The following GRSF1 variants were observed in gnomAD, a reference collection of about 807,000 sequenced individuals.
The protein encoded by GRSF1 is G-rich sequence factor 1.
GRSF1 carries 50 observed loss-of-function variants against 51.1 expected under a neutral mutation model. That is an observed-to-expected ratio of 0.98 (90% CI 0.78 to 1.24). The LOEUF (loss-of-function observed/expected upper bound fraction) is 1.24, where lower values mean the gene tolerates loss of function less well. Among genes scored for constraint, GRSF1 ranks in the 50% most tolerant of loss-of-function variants. The pLI is 0.00. For synonymous variants in GRSF1, 293 were observed against 253.3 expected (o/e 1.16, Z -1.49); for missense variants, 700 against 639.7 (o/e 1.09, Z -1.02).
intron 8 of GRSF1, 82 bp downstream of exon 8, chr4:70,825,214 C>G: frequency 8.6e-7 from 1 of 1,159,062 alleles, no homozygotes; most frequent in Non-Finnish European, 1.2e-6. Flanking sequence ...AGGAAAAATT[C>G]TACAATCCCA....
intron 9 of GRSF1, among the ~76,000 whole-genome samples, chr4:70,823,890 A>G (rs1733622420): frequency 6.6e-6 from 1 of 151,570 alleles, no homozygotes; most frequent in African/African-American, 2.4e-5. Context: ...AAATAAAAAG[A>G]GAATGGTTTC....
chr4:70,825,596 T>C (rs961569221), intron 7 of GRSF1, 165 bp from the exon 8 acceptor site: 1 of 457,338 alleles, frequency 2.2e-6, no homozygotes, highest in Non-Finnish European at 3.7e-6. Context: ...TAGTATGTCT[T>C]CTGGCTTTTT....
At chr4:70,828,607 C>G (rs1303180673) in intron 5 of GRSF1, among the ~76,000 whole-genome samples, 1 of 152,030 alleles carries the variant, frequency 6.6e-6, no homozygotes, top group African/African-American at 2.4e-5. Flanking sequence ...TTCTTGCTGT[C>G]ACCCAAGATG....
Position 70,839,711 on chromosome 4 carries a change from G to C in GRSF1, c.117C>G (p.Ile39Met). 6.7e-7 allele frequency: 1 copy of C among 1,490,918 alleles called. No homozygotes were observed. The highest frequency in any genetic ancestry group is 2.2e-5 in the Admixed American group (1 of 45,120). The allele number at this position is 1,490,918 out of a possible 1,614,324, so 92.4% of individuals were successfully genotyped here. ...GGCGGCGGCCCGAGACGCCCGACGG[G>C]ATAGAGCCAGCGGCGGAGTAGAAGG... ...CLPFYSAAGSIPSGVSGRRRL... is the reference protein window; with the variant it reads ...CLPFYSAAGSMPSGVSGRRRL... The change falls in exon 1 of 10, where the codon ATC (isoleucine) becomes ATG (methionine). Residue 39 changes from isoleucine to methionine, a missense_variant. Ile to Met is a conservative substitution (Grantham distance 10, BLOSUM62 1). Coordinates refer to ENST00000254799, the MANE Select transcript of GRSF1 (RefSeq NM_002092.4).
intron 5 of GRSF1, among the ~76,000 whole-genome samples, chr4:70,830,647 T>C (rs896119059): frequency 2.0e-5 from 3 of 151,680 alleles, no homozygotes; most frequent in African/African-American, 7.3e-5. Flanking sequence ...GGTAAAACCT[T>C]GTCTCTACTA....
chr4:70,832,181 G>C (rs1177704423), intron 4 of GRSF1, 126 bp downstream of exon 4: 3 of 562,746 alleles, frequency 5.3e-6, no homozygotes, highest in Non-Finnish European at 8.7e-6. Context: ...TAAGTGAAGA[G>C]CTCTCCCCTA....
chr4:70,839,024 G>A (rs1734343464), intron 1 of GRSF1: 3 of 736,220 alleles, frequency 4.1e-6, no homozygotes, highest in Non-Finnish European at 5.8e-6. Context: ...AGCAGCGGCC[G>A]ACCGAGAGGC....
At position 70,825,287 on chromosome 4, in the gene GRSF1, A is replaced by T; in HGVS notation, c.1393+9T>A. 1 of 1,595,240 alleles carries T rather than the reference A, an allele frequency of 6.3e-7. No homozygotes were observed. Among genetic ancestry groups the T allele is most frequent in the South Asian group, 1.1e-5 (1 of 89,676 alleles). The stretch of plus-strand genomic sequence containing the variant: ...AAAAATGACAACAAAAGCCAAAGGC[A>T]GGACTTACGAACGTGGGACCGATCC... On this transcript the variant is annotated intron_variant, in intron 8 of 9. Coordinates refer to ENST00000254799, the MANE Select transcript of GRSF1 (RefSeq NM_002092.4).
chr4:70,821,719 G>T (rs1329112702), intron 9 of GRSF1, among the ~76,000 whole-genome samples: 26 of 142,264 alleles, frequency 1.8e-4, no homozygotes, highest in African/African-American at 6.5e-4. Context: ...TGTCATCCAG[G>T]CTGGTGGAGT....
chr4:70,823,307 G>T (rs1490958140), intron 9 of GRSF1, among the ~76,000 whole-genome samples: 2 of 152,078 alleles, frequency 1.3e-5, no homozygotes, highest in Non-Finnish European at 2.9e-5. Flanking sequence ...TGAGGCAGGA[G>T]AATCTCTTGA....
At chr4:70,839,296 T>C in intron 1 of GRSF1, 175 bp downstream of exon 1, 2 of 1,499,144 alleles carry the variant, frequency 1.3e-6, no homozygotes, top group Non-Finnish European at 1.8e-6. Flanking sequence ...TGGGAGAGCT[T>C]CCCTTGTTCC....
In GRSF1 at chr4:70,827,731, A is replaced by G. The variant is rs1578298479; in HGVS notation, c.1135+121T>C. The stretch of plus-strand genomic sequence containing the variant: ...GAGGTAGAGGCTGCAGTCAGCCGAG[A>G]TCGCACCACTGCACTCCAGCCTGGC... On this transcript the variant is annotated intron_variant, in intron 6 of 9. Coordinates refer to ENST00000254799, the MANE Select transcript of GRSF1 (RefSeq NM_002092.4). 5.8e-6 allele frequency: 4 copies of G among 691,524 alleles called. No homozygotes were observed. In the East Asian group the frequency reaches 1.0e-4, roughly 18 times the overall value. The allele number at this position is 691,524 out of a possible 1,614,324, so 42.8% of individuals were successfully genotyped here. A position where few individuals can be genotyped will look rare whatever the true frequency, so the allele number is the denominator to read the frequency against.
intron 9 of GRSF1, among the ~76,000 whole-genome samples, chr4:70,821,184 T>C (rs1414164171): frequency 6.6e-6 from 1 of 152,138 alleles, no homozygotes; most frequent in Admixed American, 6.5e-5. Flanking sequence ...CCCAGCACTT[T>C]GGGAGGTTGA....
Position 70,833,190 on chromosome 4 carries a change from T to G in GRSF1, c.598A>C (p.Met200Leu), listed in dbSNP as rs370470771. 5.8e-5 allele frequency: 93 copies of G among 1,613,818 alleles called. No homozygotes were observed. In the East Asian group the frequency reaches 1.7e-3, roughly 30 times the overall value. Residue 200 changes from methionine to leucine, a missense_variant, in exon 3 of 10, where the codon ATG (methionine) becomes CTG (leucine). By Grantham distance (15) the Met-to-Leu change is conservative (BLOSUM62 2). Transcript: ENST00000254799. ...GKRRGDALIEMESEQDVQKAL... is the reference protein window; with the variant it reads ...GKRRGDALIELESEQDVQKAL... ...TTCTGCACATCCTGCTCTGACTCCA[T>G]TTCAATTAAGGCATCACCCCTTCGT... is the stretch of plus-strand genomic sequence containing the variant.
At chr4:70,839,001 C>A in intron 1 of GRSF1, 1 of 496,924 alleles carries the variant, frequency 2.0e-6, no homozygotes, top group South Asian at 1.9e-5. Context: ...CAACTGTGTG[C>A]GCGCACCTTC....
chr4:70,831,806 G>A, intron 4 of GRSF1, 132 bp from the exon 5 acceptor site: 3 of 657,324 alleles, frequency 4.6e-6, no homozygotes, highest in Admixed American at 3.6e-5. Flanking sequence ...TTGACAGGAA[G>A]AAAATTATTA....
At position 70,826,166 on chromosome 4, in the gene GRSF1, CAT is replaced by C. The variant is rs1246598691; in HGVS notation, c.1213_1214del (p.Met405GlufsTer23). ...GTTSSLHFVH[M>X]RGLPFQANAQ... ...CATTGGCTTGGAAAGGTAATCCTCTCATGTGGACAAAATGCAGAGAAGACGTA... is the reference window on the plus strand; with the variant it reads ...CATTGGCTTGGAAAGGTAATCCTCTCGTGGACAAAATGCAGAGAAGACGTA... On this transcript the variant is annotated frameshift_variant, in exon 7 of 10. Transcript: ENST00000254799. LOFTEE classifies it high-confidence loss of function. The C allele has an allele frequency of 6.2e-7, 1 of 1,611,846 alleles. No individual in the cohort carries two copies. The highest frequency in any genetic ancestry group is 8.5e-7 in the Non-Finnish European group (1 of 1,178,632).
Position 70,831,528 on chromosome 4 carries a change from G to C in GRSF1, c.950+11C>G, listed in dbSNP as rs1435800193. 1.9e-6 allele frequency: 3 copies of C among 1,611,410 alleles called. No individual in the cohort carries two copies. Among genetic ancestry groups the C allele is most frequent in the Non-Finnish European group, 2.5e-6 (3 of 1,178,326 alleles). ...TAACACTTCTGCATCATTAGTATCT[G>C]CTTTACTCACCGATTACCAATTTCT... On this transcript the variant is annotated intron_variant, in intron 5 of 9. Transcript: ENST00000254799.
chr4:70,830,236 G>C (rs1733903444), intron 5 of GRSF1, among the ~76,000 whole-genome samples: 1 of 151,986 alleles, frequency 6.6e-6, no homozygotes, highest in Admixed American at 6.6e-5. Context: ...AGGCCAGCCA[G>C]GGCAACACAG....
Sources: gnomAD v4.1 joint callset for allele counts (sites outside exome capture counted in the v4.1 genomes callset) on GRCh38, gnomAD v4.1.1 for gene constraint, MANE v1.5 for transcripts, NCBI Gene and HGNC (gene_info 2026-07-23, HGNC 2026-07-21) for gene names.